ACBD4: variants seen among roughly 807,000 people sequenced by gnomAD.
The protein encoded by ACBD4 is acyl-CoA-binding domain-containing protein 4.
Under a neutral mutation model 46.0 loss-of-function variants are expected in ACBD4, and 41 were observed. That is an observed-to-expected ratio of 0.89 (90% CI 0.69 to 1.16). The LOEUF (loss-of-function observed/expected upper bound fraction) is 1.16, where lower values mean the gene tolerates loss of function less well. Among genes scored for constraint, ACBD4 ranks in the 50% most tolerant of loss-of-function variants. The probability of loss-of-function intolerance (pLI) is 0.00; values close to 1 mark genes in which losing one functional copy is unlikely to be tolerated. For missense variants in ACBD4, 393 were observed against 399.5 expected (o/e 0.98, Z 0.14); for synonymous variants, 162 against 155.9 (o/e 1.04, Z -0.29).
At chr17:45,132,462 C>T, upstream of ACBD4, 2 of 1,111,876 alleles carry the variant, frequency 1.8e-6, no homozygotes, top group Non-Finnish European at 2.2e-6. This position sits in a 1 kb window ranked among gnomAD's most constrained non-coding sequence, Gnocchi z 4.6. Flanking sequence ...GGGGACAGGG[C>T]AGCGGGGCGC....
At chr17:45,137,619 G>A (rs570263154) in intron 6 of ACBD4, 141 bp from the exon 7 acceptor site, 36 of 1,293,690 alleles carry the variant, frequency 2.8e-5, no homozygotes, top group Middle Eastern at 1.9e-4. Flanking sequence ...TGCTTCTGGC[G>A]CCCATCTGTG....
chr17:45,132,236 C>T, upstream of ACBD4: 1 of 1,267,772 alleles, frequency 7.9e-7, no homozygotes, highest in East Asian at 3.0e-5. This position sits in a 1 kb window ranked among gnomAD's most constrained non-coding sequence, Gnocchi z 4.6. Context: ...CCGCCCCTTG[C>T]CCGTCACTGA....
chr17:45,138,897 C>A, intron 8 of ACBD4, 124 bp from the exon 9 acceptor site: 1 of 1,058,024 alleles, frequency 9.5e-7, no homozygotes, highest in Non-Finnish European at 1.4e-6. Context: ...TTGCAAGAAT[C>A]ACACTTGGTA....
intron 8 of ACBD4, chr17:45,138,193 G>A (rs1012665265): frequency 4.8e-6 from 3 of 620,592 alleles, no homozygotes; most frequent in Non-Finnish European, 8.5e-6. Context: ...TCTCCCCAAA[G>A]GGCACCCAGG....
chr17:45,136,105 C>T lies in ACBD4; in HGVS notation c.-37-3C>T. 1 of 1,605,416 alleles carries T rather than the reference C, an allele frequency of 6.2e-7. No individual in the cohort carries two copies. The highest frequency in any genetic ancestry group is 8.5e-7 in the Non-Finnish European group (1 of 1,176,060). On this transcript the variant is annotated splice_region_variant and splice_polypyrimidine_tract_variant and intron_variant, in intron 1 of 9. Transcript: ENST00000321854. ...CCCCTCACACGAAGGCTGCTTCTTGCAGAGTCGCTCAAAAGTAGGGCCCCA... is the reference window on the plus strand; with the variant it reads ...CCCCTCACACGAAGGCTGCTTCTTGTAGAGTCGCTCAAAAGTAGGGCCCCA...
intron 4 of ACBD4, 32 bp from the exon 5 acceptor site, chr17:45,136,987 A>C: frequency 6.2e-7 from 1 of 1,613,226 alleles, no homozygotes; most frequent in Non-Finnish European, 8.5e-7. Flanking sequence ...ACAGGAGGCC[A>C]CTCCGTCCCC....
chr17:45,139,095 G>C lies in ACBD4; in HGVS notation c.724G>C (p.Glu242Gln). The C allele has an allele frequency of 1.2e-6, 2 of 1,613,948 alleles. No individual in the cohort carries two copies. Among genetic ancestry groups the C allele is most frequent in the Non-Finnish European group, 1.7e-6 (2 of 1,180,042 alleles). ...WLLGTVRALQ[E>Q]SMQEVQARVQ... ...GCTGGGGACAGTTCGAGCACTACAG[G>C]AGAGCATGCAGGAGGTGCAGGCGAG... Residue 242 changes from glutamate to glutamine, a missense_variant, in exon 9 of 10, where the codon GAG becomes CAG. Physicochemically the swap from Glu to Gln is conservative, Grantham distance 29. Around this residue, in one of 3 missense-constraint regions of ACBD4, gnomAD observed 308 missense variants for 301.8 expected, o/e 1.02. Transcript: ENST00000321854.
intron 9 of ACBD4, among the ~76,000 whole-genome samples, chr17:45,140,704 A>G (rs1055318378): frequency 6.6e-6 from 1 of 151,360 alleles, no homozygotes; most frequent in Non-Finnish European, 1.5e-5. Flanking sequence ...TCCACCCCGA[A>G]AGAGTTGGGT....
Position 45,136,020 on chromosome 17 carries a change from T to G in ACBD4, c.-38+67T>G, listed in dbSNP as rs2054799991. On this transcript the variant is annotated intron_variant, in intron 1 of 9. Coordinates refer to ENST00000321854, the MANE Select transcript of ACBD4 (RefSeq NM_001135705.3). ...AGGGTGTCTGAGGCCTCTAAAGAGC[T>G]TAGTTTGCCCCTCTGGGAAGTGAAT... 4.2e-6 allele frequency: 4 copies of G among 942,200 alleles called. No homozygotes were observed. The East Asian group carries it at 7.8e-5, about 18-fold the overall frequency. The allele number at this position is 942,200 out of a possible 1,614,324, so 58.4% of individuals were successfully genotyped here.
intron 9 of ACBD4, 102 bp from the exon 10 acceptor site, chr17:45,143,341 G>C: frequency 9.6e-7 from 1 of 1,039,220 alleles, no homozygotes; most frequent in Non-Finnish European, 1.4e-6. Flanking sequence ...TGCAGACTTA[G>C]GGGCAGGGTC....
intron 9 of ACBD4, among the ~76,000 whole-genome samples, chr17:45,140,154 T>G (rs533481061): frequency 3.3e-5 from 5 of 151,300 alleles, no homozygotes; most frequent in Non-Finnish European, 7.4e-5. Context: ...AACAGGGCTT[T>G]CTTTCTTTTC....
rs115270063 is a variant in ACBD4, at chr17:45,135,804, C to G, written c.-187C>G. The G allele has an allele frequency of 8.7e-6, 2 of 230,706 alleles. No individual in the cohort carries two copies. The highest frequency in any genetic ancestry group is 1.1e-4 in the South Asian group (2 of 17,410). 14.3% of individuals were successfully genotyped at this position (230,706 alleles called of 1,614,324 possible). ...AGGGTGGGAGACTGTTCGCCCCGCC[C>G]TGAGTACTCCTATCTTGTTTCTCCA... On this transcript the variant is annotated 5_prime_UTR_variant, in exon 1 of 10. Coordinates refer to ENST00000321854, the MANE Select transcript of ACBD4 (RefSeq NM_001135705.3).
chr17:45,139,164 G>C lies in ACBD4; in HGVS notation c.789+4G>C, dbSNP rs771241012. The C allele has an allele frequency of 8.7e-6, 14 of 1,613,172 alleles. No individual in the cohort carries two copies. The highest frequency in any genetic ancestry group is 5.3e-5 in the African/African-American group (4 of 74,924). On this transcript the variant is annotated splice_donor_region_variant and intron_variant, in intron 9 of 9. Transcript: ENST00000321854. Reference sequence around the variant, plus strand: ...CATGCCCCGGCCCCCTGAGCAGGTAGAGTCCCCCACCCCATAGGACAAGAT... The same window carrying C: ...CATGCCCCGGCCCCCTGAGCAGGTACAGTCCCCCACCCCATAGGACAAGAT...
intron 9 of ACBD4, among the ~76,000 whole-genome samples, chr17:45,143,219 C>T (rs984169187): frequency 6.6e-6 from 1 of 152,216 alleles, no homozygotes; most frequent in Non-Finnish European, 1.5e-5. Flanking sequence ...TCCCTCTACC[C>T]GCAGCCCCGC....
intron 9 of ACBD4, among the ~76,000 whole-genome samples, chr17:45,141,122 A>G (rs1311632279): frequency 6.6e-6 from 1 of 152,208 alleles, no homozygotes; most frequent in African/African-American, 2.4e-5. Context: ...TCAAATATCC[A>G]ATCTAAATTC....
Position 45,136,391 on chromosome 17 carries a change from G to A in ACBD4, c.89-109G>A, listed in dbSNP as rs529958234. ...CTTCCTATCCTAGTCCAGATGCCCT[G>A]GGTGGGACCCATCACCACCTCTGCC... On this transcript the variant is annotated intron_variant, in intron 2 of 9. Coordinates refer to ENST00000321854, the MANE Select transcript of ACBD4 (RefSeq NM_001135705.3). 173 of 1,455,136 alleles carry A rather than the reference G, an allele frequency of 1.2e-4. 1 individual carries two copies. In the African/African-American group the frequency reaches 2.3e-3, roughly 20 times the overall value. The allele number at this position is 1,455,136 out of a possible 1,614,324, so 90.1% of individuals were successfully genotyped here.
At chr17:45,135,538 A>C (rs1424611251), upstream of ACBD4, 1 of 152,334 alleles carries the variant, frequency 6.6e-6, no homozygotes, top group African/African-American at 2.4e-5. Flanking sequence ...CTGATTGGGA[A>C]AGGCTCTGAG....
In ACBD4 at chr17:45,137,778, A is replaced by T. The variant is rs1252825143; in HGVS notation, c.521A>T (p.Asp174Val). 6.2e-7 allele frequency: 1 copy of T among 1,613,904 alleles called. No homozygotes were observed. Among genetic ancestry groups the T allele is most frequent in the Non-Finnish European group, 8.5e-7 (1 of 1,179,982 alleles). ...PPSPESHSPRDLDSEVFCDSL... is the reference protein window; with the variant it reads ...PPSPESHSPRVLDSEVFCDSL... ...TCCACAGAGTCCCATTCACCCAGGG[A>T]CCTGGACTCCGAGGTTTTCTGTGAT... The change falls in exon 7 of 10, where the codon GAC becomes GTC. Residue 174 changes from aspartate (D) to valine (V), a missense_variant. By Grantham distance (152) the Asp-to-Val change is radical (BLOSUM62 -3). Around this residue, in one of 3 missense-constraint regions of ACBD4, gnomAD observed 308 missense variants for 301.8 expected, o/e 1.02. Coordinates refer to ENST00000321854, the MANE Select transcript of ACBD4 (RefSeq NM_001135705.3).
rs764109372 is a variant in ACBD4, at chr17:45,143,442, G to C, written c.790-1G>C. ...TCTGACTCCCTCCCTCTTGGCTGCA[G>C]AGGCCGCAGCCCAGGCCCAGTGCTC... is the stretch of plus-strand genomic sequence containing the variant. On this transcript the variant is annotated splice_acceptor_variant, in intron 9 of 9. Transcript: ENST00000321854. LOFTEE classifies it high-confidence loss of function. The C allele has an allele frequency of 1.2e-5, 19 of 1,605,370 alleles. No individual in the cohort carries two copies. In the South Asian group the frequency reaches 1.2e-4, roughly 10 times the overall value.
Sources: allele counts gnomAD v4.1 joint callset (sites outside exome capture counted in the v4.1 genomes callset), GRCh38; gene constraint gnomAD v4.1.1; regional missense constraint gnomAD v4.1.1; non-coding constraint Gnocchi (gnomAD v3.1); transcripts MANE v1.5; gene names NCBI Gene and HGNC (gene_info 2026-07-23, HGNC 2026-07-21).